The following NBAS variants were observed in gnomAD, a reference collection of about 807,000 sequenced individuals.
The protein encoded by NBAS is NBAS subunit of NRZ tethering complex.
Under a neutral mutation model 302.5 loss-of-function variants are expected in NBAS, and 219 were observed. That is an observed-to-expected ratio of 0.72 (90% CI 0.65 to 0.81). NBAS has a LOEUF of 0.81. NBAS is among the 30% of genes least tolerant of loss of function. The pLI is 0.00. For synonymous variants in NBAS, 1,118 were observed against 1,021.6 expected, an observed-to-expected ratio of 1.09 and a Z score of -1.80; for missense variants, 2,932 against 2,841.6, an observed-to-expected ratio of 1.03 and a Z score of -0.72.
At chr2:15,495,425 T>A (rs1325992369) in intron 11 of NBAS, among the ~76,000 whole-genome samples, 1 of 151,612 alleles carries the variant, frequency 6.6e-6, no homozygotes, top group Non-Finnish European at 1.5e-5. Context: ...AAAGATGCAA[T>A]GAGTAAAATG....
In NBAS at chr2:15,450,323, C is replaced by T. The variant is rs200549019; in HGVS notation, c.2339+10878G>A. Among the ~76,000 whole-genome samples, 45 of 152,226 alleles carry T rather than the reference C, an allele frequency of 3.0e-4. No homozygotes were observed. In the East Asian group the frequency reaches 8.1e-3, roughly 27 times the overall value. ...ACACAAAGACTCAGTATGTGAAATA[C>T]TTTGGATTAAATATACATTCAGACA... is the stretch of plus-strand genomic sequence containing the variant. On this transcript the variant is annotated intron_variant, in intron 21 of 51. Coordinates refer to ENST00000281513, the MANE Select transcript of NBAS (RefSeq NM_015909.4).
At chr2:15,425,602 C>T (rs1677429998) in intron 22 of NBAS, among the ~76,000 whole-genome samples, 1 of 152,146 alleles carries the variant, frequency 6.6e-6, no homozygotes, top group East Asian at 1.9e-4. Flanking sequence ...CTTATACCTG[C>T]CACTACAATA....
At chr2:15,150,673 T>C in the NBAS span, among the ~76,000 whole-genome samples, 2 of 152,218 alleles carry the variant, frequency 1.3e-5, no homozygotes, top group African/African-American at 4.8e-5. Flanking sequence ...TTTCTACTTA[T>C]ACATTATATG....
At chr2:15,401,109 T>C (rs1676129980) in intron 26 of NBAS, among the ~76,000 whole-genome samples, 1 of 151,902 alleles carries the variant, frequency 6.6e-6, no homozygotes, top group African/African-American at 2.4e-5. Flanking sequence ...TTGGTTAAGA[T>C]CATGGCAGTT....
chr2:15,440,018 C>T (rs1273272018), intron 21 of NBAS, among the ~76,000 whole-genome samples: 3 of 152,228 alleles, frequency 2.0e-5, no homozygotes, highest in Non-Finnish European at 2.9e-5. Context: ...TCGAACTGGG[C>T]GGAGCCCACC....
At chr2:14,955,979 TTTC>T in the NBAS span, among the ~76,000 whole-genome samples, 1 of 152,222 alleles carries the variant, frequency 6.6e-6, no homozygotes, top group South Asian at 2.1e-4. Context: ...AAAATGGGTT[TTTC>T]TTTTATATTG....
the NBAS span, among the ~76,000 whole-genome samples, chr2:14,905,906 C>T: frequency 5.9e-5 from 9 of 152,286 alleles, no homozygotes; most frequent in East Asian, 3.9e-4. Context: ...AAACTCTCAG[C>T]GCACTTTCTT....
chr2:14,789,115 T>C, the NBAS span, among the ~76,000 whole-genome samples: 1 of 152,206 alleles, frequency 6.6e-6, no homozygotes, highest in East Asian at 1.9e-4. Context: ...TGAGGCTCCG[T>C]GGGCATAGGA....
At position 15,175,156 on chromosome 2, in the gene NBAS, C is replaced by T. The variant is rs143865071; in HGVS notation, c.6840+3832G>A. ...TAATTTTTTGTATTTTTAGTGGAGA[C>T]GGGGTTTCACCGTGTTAGCCAGGAT... is the stretch of plus-strand genomic sequence containing the variant. On this transcript the variant is annotated intron_variant, in intron 51 of 51. Coordinates refer to ENST00000281513, the MANE Select transcript of NBAS (RefSeq NM_015909.4). 2.8e-3 allele frequency among the ~76,000 whole-genome samples: 419 copies of T among 152,144 alleles called. 4 individuals carry two copies. Among genetic ancestry groups the T allele is most frequent in the African/African-American group, 9.3e-3 (387 of 41,506 alleles).
At chr2:15,241,825 C>T (rs10929353) in intron 44 of NBAS, among the ~76,000 whole-genome samples, 33,810 of 151,990 alleles carry the variant, frequency 0.22, 4,277 homozygotes, top group East Asian at 0.43. Flanking sequence ...CCAAATTTCT[C>T]AGCACGGAAC....
intron 31 of NBAS, among the ~76,000 whole-genome samples, chr2:15,374,148 C>A (rs890256304): frequency 2.0e-5 from 3 of 152,034 alleles, no homozygotes; most frequent in African/African-American, 7.2e-5. Context: ...AATTTCTTAT[C>A]GTTCCCTCTT....
At chr2:14,966,433 C>T in the NBAS span, among the ~76,000 whole-genome samples, 1 of 152,184 alleles carries the variant, frequency 6.6e-6, no homozygotes, top group Non-Finnish European at 1.5e-5. Context: ...TTCCAGGACT[C>T]CCTGAGTATA....
the NBAS span, among the ~76,000 whole-genome samples, chr2:15,056,833 CTTTT>C: frequency 7.9e-6 from 1 of 126,094 alleles, no homozygotes; most frequent in African/African-American, 3.2e-5. Flanking sequence ...TTTTTTTTTT[CTTTT>C]TTTTTTTTTT....
chr2:15,095,240 A>T, the NBAS span, among the ~76,000 whole-genome samples: 1 of 152,186 alleles, frequency 6.6e-6, no homozygotes, highest in African/African-American at 2.4e-5. Flanking sequence ...GCTCATTTTC[A>T]TGCTGCTGAT....
In NBAS at chr2:15,195,317, AAGAGTTCC is replaced by A. The variant is rs201040792; in HGVS notation, c.6433-4922_6433-4915del. Among the ~76,000 whole-genome samples, 1,111 of 152,294 alleles carry A rather than the reference AAGAGTTCC, an allele frequency of 7.3e-3. 13 individuals are homozygous for A. Among genetic ancestry groups the A allele is most frequent in the African/African-American group, 0.026 (1,069 of 41,544 alleles). On this transcript the variant is annotated intron_variant, in intron 48 of 51. Coordinates refer to ENST00000281513, the MANE Select transcript of NBAS (RefSeq NM_015909.4). ...TGGGAATGGGTTCCTGATAAAAAGG[AAGAGTTCC>A]ACCTTGCCCTCTCTTGCTGGGTAAA...
At chr2:15,441,156 T>C (rs1046151523) in intron 21 of NBAS, among the ~76,000 whole-genome samples, 5 of 152,014 alleles carry the variant, frequency 3.3e-5, no homozygotes, top group African/African-American at 9.7e-5. Flanking sequence ...ATACAGAGAA[T>C]GCCACAAAGA....
chr2:15,220,209 C>T (rs1572472904), intron 47 of NBAS, among the ~76,000 whole-genome samples: 1 of 125,648 alleles, frequency 8.0e-6, no homozygotes, highest in Non-Finnish European at 1.7e-5. Context: ...CCGGACGGGG[C>T]GGCTGGCCGG....
chr2:14,801,541 A>G, the NBAS span, among the ~76,000 whole-genome samples: 4 of 151,992 alleles, frequency 2.6e-5, no homozygotes, highest in African/African-American at 7.2e-5. Flanking sequence ...CATATGTTCA[A>G]TCTTTCCTTT....
the NBAS span, among the ~76,000 whole-genome samples, chr2:14,802,651 A>T: frequency 6.6e-6 from 1 of 151,048 alleles, no homozygotes; most frequent in African/African-American, 2.4e-5. Context: ...AATGTCCAAC[A>T]ATGATAGACT....
Sources: gnomAD v4.1 joint callset for allele counts (sites outside exome capture counted in the v4.1 genomes callset) on GRCh38, gnomAD v4.1.1 for gene constraint, MANE v1.5 for transcripts, NCBI Gene and HGNC (gene_info 2026-07-23, HGNC 2026-07-21) for gene names.